Variants in SOCS7 observed in about 807,000 individuals in gnomAD.
SOCS7 encodes suppressor of cytokine signaling 7.
A neutral mutation model predicts 58.9 loss-of-function variants in SOCS7; 18 were observed. The ratio of observed to expected loss-of-function variants is 0.31; its 90% CI spans 0.21 to 0.45. The LOEUF (loss-of-function observed/expected upper bound fraction) is 0.45, where lower values mean the gene tolerates loss of function less well. Among genes scored for constraint, SOCS7 ranks in the 20% least tolerant of loss-of-function variants. The pLI is 1.00. For synonymous variants in SOCS7, 388 were observed against 364.3 expected (o/e 1.06, Z -0.74); for missense variants, 667 against 837.3 (o/e 0.80, Z 2.51).
intron 1 of SOCS7, among the ~76,000 whole-genome samples, chr17:38,357,064 C>T (rs953030466): frequency 3.9e-5 from 6 of 152,040 alleles, no homozygotes; most frequent in Admixed American, 1.3e-4. Context: ...AAATGGAGGA[C>T]GGTTCTGTAG....
At chr17:38,387,101 AAAT>A (rs1191809193) in intron 7 of SOCS7, among the ~76,000 whole-genome samples, 880 of 85,526 alleles carry the variant, frequency 0.01, 3 homozygotes, top group African/African-American at 0.015. Flanking sequence ...AAAAAAAAAA[AAAT>A]ATATATATAT....
chr17:38,386,012 C>G (rs1213425623), intron 7 of SOCS7, among the ~76,000 whole-genome samples: 1 of 151,890 alleles, frequency 6.6e-6, no homozygotes, highest in East Asian at 1.9e-4. Flanking sequence ...GACCCTGTCT[C>G]TACCAAAAAA....
At chr17:38,370,186 C>T (rs2037844134) in intron 6 of SOCS7, among the ~76,000 whole-genome samples, 1 of 152,060 alleles carries the variant, frequency 6.6e-6, no homozygotes, top group Admixed American at 6.6e-5. Flanking sequence ...TTAGTAGAGA[C>T]AGGGTTTTGC....
intron 4 of SOCS7, chr17:38,365,968 T>G (rs1555568248): frequency 1.8e-6 from 2 of 1,090,770 alleles, no homozygotes; most frequent in East Asian, 1.2e-4. Context: ...GGCACTTCAC[T>G]TCGAGGTGGG....
In SOCS7 at chr17:38,404,116, A is replaced by C. The variant is rs1204701310; in HGVS notation, c.*4634A>C. The C allele has an allele frequency of 1.3e-5, 2 of 152,144 alleles. No homozygotes were observed. Among genetic ancestry groups the C allele is most frequent in the Non-Finnish European group, 2.9e-5 (2 of 68,024 alleles). The allele number at this position is 152,144 out of a possible 1,614,324, so 9.4% of individuals were successfully genotyped here. On this transcript the variant is annotated 3_prime_UTR_variant, in exon 10 of 10. Coordinates refer to ENST00000612932, the MANE Select transcript of SOCS7 (RefSeq NM_014598.4). ...CATTGGAGCCTTCACACTCAGCACA[A>C]AATGATTGGAGGCCTTGATAAAATG...
intron 6 of SOCS7, among the ~76,000 whole-genome samples, chr17:38,369,875 C>T (rs1597693064): frequency 1.3e-5 from 2 of 151,576 alleles, no homozygotes; most frequent in South Asian, 2.1e-4. Context: ...CTGCAACCTC[C>T]GCTTCCTGGG....
intron 7 of SOCS7, among the ~76,000 whole-genome samples, chr17:38,388,277 A>T (rs555818557): frequency 6.6e-6 from 1 of 152,146 alleles, no homozygotes; most frequent in African/African-American, 2.4e-5. Context: ...ATTCAAGGCC[A>T]AAGAAGGTAG....
chr17:38,366,528 T>G lies in SOCS7; in HGVS notation c.1383+111T>G, dbSNP rs587721871. ...TTTATTTTTAGAGACAGGGTCTGGCTCTGTTGCCCAGGCTAGGGTGTGGTG... is the reference window on the plus strand; with the variant it reads ...TTTATTTTTAGAGACAGGGTCTGGCGCTGTTGCCCAGGCTAGGGTGTGGTG... On this transcript the variant is annotated intron_variant, in intron 5 of 9. Transcript: ENST00000612932. 1.8e-4 allele frequency: 236 copies of G among 1,348,026 alleles called. 1 individual carries two copies. In the South Asian group the frequency reaches 3.0e-3, roughly 17 times the overall value. The allele number at this position is 1,348,026 out of a possible 1,614,324, so 83.5% of individuals were successfully genotyped here.
At chr17:38,387,100 A>ATAT (rs1437758226) in intron 7 of SOCS7, among the ~76,000 whole-genome samples, 63 of 82,932 alleles carry the variant, frequency 7.6e-4, no homozygotes, top group Non-Finnish European at 1.0e-3. Context: ...AAAAAAAAAA[A>ATAT]AAATATATAT....
chr17:38,387,119 A>ATGTATG (rs2038082241), intron 7 of SOCS7, among the ~76,000 whole-genome samples: 1 of 106,702 alleles, frequency 9.4e-6, no homozygotes, highest in African/African-American at 4.6e-5. Context: ...ATATATATAT[A>ATGTATG]TATATATATG....
At position 38,352,210 on chromosome 17, in the gene SOCS7, G is replaced by C. The variant is rs1164971323; in HGVS notation, c.158G>C (p.Arg53Pro). The stretch of plus-strand genomic sequence containing the variant: ...CCCCCGCCGCCACCCTTCCTCGCGC[G>C]GCCCGGCCCGCGGGGCTCCCGGCCG... ...HGPPPPPFLA[R>P]PGPRGSRPPQ... The change falls in exon 1 of 10, where the codon CGG becomes CCG. Residue 53 changes from arginine (R) to proline (P), a missense_variant. This residue lies in a region of SOCS7 where 65 missense variants were observed against 51.0 expected (regional missense o/e 1.27). Coordinates refer to ENST00000612932, the MANE Select transcript of SOCS7 (RefSeq NM_014598.4). The surrounding 1 kb of genome is among the most constrained non-coding windows in gnomAD (Gnocchi z 5.5). 1 of 1,337,606 alleles carries C rather than the reference G, an allele frequency of 7.5e-7. No individual in the cohort carries two copies. The highest frequency in any genetic ancestry group is 3.1e-5 in the East Asian group (1 of 32,256). The allele number at this position is 1,337,606 out of a possible 1,614,324, so 82.9% of individuals were successfully genotyped here.
intron 7 of SOCS7, among the ~76,000 whole-genome samples, chr17:38,388,265 T>C (rs946862903): frequency 1.3e-5 from 2 of 151,726 alleles, no homozygotes; most frequent in Non-Finnish European, 2.9e-5. Context: ...TTAAAATGTG[T>C]GATTCAAGGC....
chr17:38,356,352 G>T (rs1402348176), intron 1 of SOCS7, among the ~76,000 whole-genome samples: 1 of 151,530 alleles, frequency 6.6e-6, no homozygotes, highest in Non-Finnish European at 1.5e-5. Flanking sequence ...CTGCATTCCA[G>T]CCTGGGCAAC....
chr17:38,353,729 C>A (rs544485897), intron 1 of SOCS7, among the ~76,000 whole-genome samples: 1 of 152,044 alleles, frequency 6.6e-6, no homozygotes, highest in Non-Finnish European at 1.5e-5. Context: ...CATGCGAAAC[C>A]CCATCTCTAC....
intron 1 of SOCS7, among the ~76,000 whole-genome samples, chr17:38,354,985 T>G (rs2037615227): frequency 6.6e-6 from 1 of 152,222 alleles, no homozygotes; most frequent in African/African-American, 2.4e-5. Context: ...CAATACAGAT[T>G]TCTGCTGCAG....
At chr17:38,370,199 C>T (rs1455771573) in intron 6 of SOCS7, among the ~76,000 whole-genome samples, 7 of 151,960 alleles carry the variant, frequency 4.6e-5, no homozygotes, top group Non-Finnish European at 1.0e-4. Context: ...GGTTTTGCCA[C>T]GTTGGCCAGG....
chr17:38,368,834 A>C (rs2037825667), intron 6 of SOCS7, among the ~76,000 whole-genome samples: 1 of 152,154 alleles, frequency 6.6e-6, no homozygotes, highest in Admixed American at 6.5e-5. Context: ...GCATGGTGAT[A>C]ATTTCCTCTT....
intron 7 of SOCS7, among the ~76,000 whole-genome samples, chr17:38,390,161 G>C (rs930587897): frequency 6.6e-6 from 1 of 151,540 alleles, no homozygotes; most frequent in Non-Finnish European, 1.5e-5. Flanking sequence ...TTGTTCTAGC[G>C]CCATTTGTTG....
chr17:38,366,110 A>G, intron 4 of SOCS7, 177 bp from the exon 5 acceptor site: 2 of 1,256,076 alleles, frequency 1.6e-6, no homozygotes, highest in Non-Finnish European at 2.1e-6. Flanking sequence ...ACAAGCCCAC[A>G]CAGCTTTTTG....
Sources: allele counts gnomAD v4.1 joint callset (sites outside exome capture counted in the v4.1 genomes callset), GRCh38; gene constraint gnomAD v4.1.1; regional missense constraint gnomAD v4.1.1; non-coding constraint Gnocchi (gnomAD v3.1); transcripts MANE v1.5; gene names NCBI Gene and HGNC (gene_info 2026-07-23, HGNC 2026-07-21).